ADGRB1: variants seen among roughly 807,000 people sequenced by gnomAD.
The protein encoded by ADGRB1 is brain-specific angiogenesis inhibitor 1.
Under a neutral mutation model 175.7 loss-of-function variants are expected in ADGRB1, and 36 were observed. That is an observed-to-expected ratio of 0.20 (90% confidence interval 0.16 to 0.27). ADGRB1 has a LOEUF of 0.27. ADGRB1 is among the 10% of genes least tolerant of loss of function. The probability of loss-of-function intolerance (pLI) is 1.00; values close to 1 mark genes in which losing one functional copy is unlikely to be tolerated. For synonymous variants in ADGRB1, 1,054 were observed against 979.4 expected (o/e 1.08, Z -1.42); for missense variants, 1,731 against 2,255.3 (o/e 0.77, Z 4.71).
Position 142,475,590 on chromosome 8 carries a change from G to C in ADGRB1, c.901G>C (p.Gly301Arg). Residue 301 changes from glycine to arginine, a missense_variant, in exon 3 of 31, where the codon GGG becomes CGG. By Grantham distance (125) the Gly-to-Arg change is moderately radical. Coordinates refer to ENST00000517894, the MANE Select transcript of ADGRB1 (RefSeq NM_001702.3). ...APGVEGGGCE[G>R]VLEEGRQCNR... is the part of the protein sequence containing the mutation. Reference sequence around the variant, plus strand: ...GGGCGTGGAGGGCGGCGGCTGCGAGGGGGTGCTGGAGGAGGGTCGCCAGTG... The same window carrying C: ...GGGCGTGGAGGGCGGCGGCTGCGAGCGGGTGCTGGAGGAGGGTCGCCAGTG... 8.0e-7 allele frequency: 1 copy of C among 1,250,248 alleles called. No homozygotes were observed. Among genetic ancestry groups the C allele is most frequent in the Non-Finnish European group, 1.0e-6 (1 of 997,634 alleles). 77.4% of individuals were successfully genotyped at this position (1,250,248 alleles called of 1,614,324 possible).
chr8:142,460,398 G>T (rs1373606044), intron 1 of ADGRB1, among the ~76,000 whole-genome samples: 2 of 152,222 alleles, frequency 1.3e-5, no homozygotes, highest in Non-Finnish European at 2.9e-5. Flanking sequence ...CAGTTCTGTG[G>T]GTCTCAAATT....
chr8:142,509,097 G>A (rs1329366506), intron 17 of ADGRB1, among the ~76,000 whole-genome samples: 1 of 152,234 alleles, frequency 6.6e-6, no homozygotes, highest in Non-Finnish European at 1.5e-5. Context: ...CCGCCAGCCA[G>A]CGGCTCACAG....
Position 142,519,654 on chromosome 8 carries a change from GTGA to G in ADGRB1, c.2922-1160_2922-1158del, listed in dbSNP as rs377478752. ...GGTGGTGCTGGTGCTGGTGATTATG[GTGA>G]TGATGATGGTAGTGGTGGTGATGGT... On this transcript the variant is annotated intron_variant, in intron 19 of 30. Coordinates refer to ENST00000517894, the MANE Select transcript of ADGRB1 (RefSeq NM_001702.3). Among the ~76,000 whole-genome samples, 941 of 150,464 alleles carry G rather than the reference GTGA, an allele frequency of 6.3e-3. 13 individuals carry two copies. The highest frequency in any genetic ancestry group is 0.021 in the African/African-American group (868 of 40,860).
chr8:142,525,222 T>A (rs1844104566), intron 23 of ADGRB1, among the ~76,000 whole-genome samples: 1 of 151,818 alleles, frequency 6.6e-6, no homozygotes, highest in Non-Finnish European at 1.5e-5. Context: ...CCCAGACCCC[T>A]CCCCACAGCC....
rs576643247 is a variant in ADGRB1, at chr8:142,514,933, G to C, written c.2818-3205G>C. On this transcript the variant is annotated intron_variant, in intron 18 of 30. Transcript: ENST00000517894. ...TTGTGGGCATTTGGGAGCCATAGAC[G>C]GTGTTGGGGCAGTGGCAGGACGAAG... Among the ~76,000 whole-genome samples, 3 of 152,254 alleles carry C rather than the reference G, an allele frequency of 2.0e-5. No individual in the cohort carries two copies. In the East Asian group the frequency reaches 5.8e-4, roughly 29 times the overall value.
intron 17 of ADGRB1, among the ~76,000 whole-genome samples, chr8:142,506,676 C>G (rs917379088): frequency 2.0e-5 from 3 of 152,226 alleles, no homozygotes; most frequent in Non-Finnish European, 4.4e-5. Flanking sequence ...TTCGGGGGAA[C>G]TTCCAGATGT....
intron 13 of ADGRB1, among the ~76,000 whole-genome samples, chr8:142,486,220 TCAGCTGCCAAGAACTGGACGC>T (rs1216744961): frequency 6.6e-6 from 1 of 151,796 alleles, no homozygotes; most frequent in Non-Finnish European, 1.5e-5. Context: ...CCTCCCTCAC[TCAGCTGCCAAGAACTGGACGC>T]CAGCAAGAGC....
chr8:142,456,054 C>T (rs533612466), intron 1 of ADGRB1, among the ~76,000 whole-genome samples: 3 of 152,144 alleles, frequency 2.0e-5, no homozygotes, highest in South Asian at 4.2e-4. Context: ...CCCAGAGGAA[C>T]GCATTTCAAT....
chr8:142,528,456 C>T (rs1461592979), intron 24 of ADGRB1, among the ~76,000 whole-genome samples: 1 of 152,206 alleles, frequency 6.6e-6, no homozygotes, highest in East Asian at 1.9e-4. Flanking sequence ...TCCTGAGGGG[C>T]TGGTTTTGCA....
intron 19 of ADGRB1, among the ~76,000 whole-genome samples, chr8:142,520,148 TGTGATG>T (rs766850793): frequency 0.032 from 4,061 of 128,210 alleles, 150 homozygotes; most frequent in African/African-American, 0.1. Context: ...ATGGTGATGG[TGTGATG>T]GTGGTGGTAG....
Position 142,533,354 on chromosome 8 carries a change from C to G in ADGRB1, c.3458C>G (p.Ala1153Gly). 6.3e-7 allele frequency: 1 copy of G among 1,597,926 alleles called. No homozygotes were observed. Among genetic ancestry groups the G allele is most frequent in the Non-Finnish European group, 8.5e-7 (1 of 1,174,472 alleles). The change falls in exon 25 of 31, where the codon GCT becomes GGT. Residue 1153 changes from alanine (A) to glycine (G), a missense_variant. Around this residue, in one of 8 missense-constraint regions of ADGRB1, gnomAD observed 301 missense variants for 488.4 expected, o/e 0.62. Coordinates refer to ENST00000517894, the MANE Select transcript of ADGRB1 (RefSeq NM_001702.3). ...LPLLALTWMS[A>G]VLAVTDRRSA... ...CTGCTGGCGCTGACCTGGATGTCGG[C>G]TGTGCTCGCCGTCACCGACCGCCGC...
chr8:142,519,891 GTTGTGT>G (rs1404218228), intron 19 of ADGRB1, among the ~76,000 whole-genome samples: 1 of 149,816 alleles, frequency 6.7e-6, no homozygotes, highest in Non-Finnish European at 1.5e-5. Context: ...TGTGGTGGTG[GTTGTGT>G]TGGTGTTGGT....
At chr8:142,467,471 T>C (rs1299337003) in intron 2 of ADGRB1, among the ~76,000 whole-genome samples, 1 of 152,134 alleles carries the variant, frequency 6.6e-6, no homozygotes, top group Non-Finnish European at 1.5e-5. Flanking sequence ...CCCTCCCAGG[T>C]GTCCCGCCAG....
intron 27 of ADGRB1, chr8:142,539,720 C>T (rs1353740272): frequency 5.6e-6 from 3 of 531,122 alleles, no homozygotes; most frequent in Non-Finnish European, 1.0e-5. Flanking sequence ...GTCCCCTGCC[C>T]ACCTGACATC....
At chr8:142,457,177 G>A (rs926005646) in intron 1 of ADGRB1, among the ~76,000 whole-genome samples, 3 of 152,168 alleles carry the variant, frequency 2.0e-5, no homozygotes, top group Non-Finnish European at 4.4e-5. Context: ...GGGACAGTTG[G>A]GTAAGATGAG....
intron 23 of ADGRB1, among the ~76,000 whole-genome samples, chr8:142,525,296 TACCTGGCGGTACCCCAGGC>T (rs1844108373): frequency 1.4e-5 from 2 of 138,674 alleles, no homozygotes; most frequent in Non-Finnish European, 3.2e-5. Flanking sequence ...AGGCGTGGGG[TACCTGGCGGTACCCCAGGC>T]ACCTGGGGAT....
intron 11 of ADGRB1, among the ~76,000 whole-genome samples, chr8:142,483,431 T>C (rs1450461411): frequency 3.4e-5 from 5 of 148,124 alleles, no homozygotes; most frequent in Admixed American, 3.3e-4. Context: ...GTCCTGACCC[T>C]GGTCACATGC....
At chr8:142,454,223 G>A (rs900877540) in intron 1 of ADGRB1, among the ~76,000 whole-genome samples, 2 of 152,174 alleles carry the variant, frequency 1.3e-5, no homozygotes, top group African/African-American at 4.8e-5. Context: ...ACAAGACGCA[G>A]GCCACATTCA....
Position 142,543,280 on chromosome 8 carries a change from G to A in ADGRB1, c.4414-123G>A. The A allele has an allele frequency of 7.5e-7, 1 of 1,325,296 alleles. No individual in the cohort carries two copies. The highest frequency in any genetic ancestry group is 1.3e-5 in the South Asian group (1 of 75,806). 82.1% of individuals were successfully genotyped at this position (1,325,296 alleles called of 1,614,324 possible). On this transcript the variant is annotated intron_variant, in intron 28 of 30. Coordinates refer to ENST00000517894, the MANE Select transcript of ADGRB1 (RefSeq NM_001702.3). This position sits in a 1 kb window ranked among gnomAD's most constrained non-coding sequence, Gnocchi z 4.4. Reference sequence around the variant, plus strand: ...GCCCCCAGGCATGTCCCCTGGGTCTGGCCTGGTCCCTGAAGGCAGGCATGG... The same window carrying A: ...GCCCCCAGGCATGTCCCCTGGGTCTAGCCTGGTCCCTGAAGGCAGGCATGG...
Sources: allele counts gnomAD v4.1 joint callset (sites outside exome capture counted in the v4.1 genomes callset), GRCh38; gene constraint gnomAD v4.1.1; regional missense constraint gnomAD v4.1.1; non-coding constraint Gnocchi (gnomAD v3.1); transcripts MANE v1.5; gene names NCBI Gene and HGNC (gene_info 2026-07-23, HGNC 2026-07-21).